Variants in PPP1R12B observed in about 807,000 individuals in gnomAD.
The protein encoded by PPP1R12B is protein phosphatase 1 regulatory subunit 12B.
A neutral mutation model predicts 126.1 loss-of-function variants in PPP1R12B; 76 were observed. The observed-to-expected ratio is 0.60, with a 90% CI of 0.50 to 0.73. The LOEUF is 0.73. Among genes scored for constraint, PPP1R12B ranks in the 30% least tolerant of loss-of-function variants. PPP1R12B has a pLI of 0.00. For synonymous variants in PPP1R12B, 356 were observed against 434.7 expected (o/e 0.82, Z 2.25); for missense variants, 1,052 against 1,205.1 (o/e 0.87, Z 1.88).
chr1:202,483,740 C>T (rs12756161), intron 13 of PPP1R12B, among the ~76,000 whole-genome samples: 68 of 152,182 alleles, frequency 4.5e-4, no homozygotes, highest in Non-Finnish European at 7.2e-4. Context: ...TATAGTATTG[C>T]AGTCTATCTC....
intron 23 of PPP1R12B, among the ~76,000 whole-genome samples, chr1:202,572,006 A>C (rs569581808): frequency 1.3e-5 from 2 of 152,340 alleles, no homozygotes; most frequent in South Asian, 4.1e-4. Flanking sequence ...ACTTGAAGAC[A>C]AAAACTTCAA....
At chr1:202,530,064 A>T (rs1021755624) in intron 18 of PPP1R12B, among the ~76,000 whole-genome samples, 1 of 152,176 alleles carries the variant, frequency 6.6e-6, no homozygotes, top group Admixed American at 6.5e-5. Flanking sequence ...CACTATATAG[A>T]GCCCTTTTGC....
chr1:202,394,631 G>C (rs1261172610), intron 1 of PPP1R12B, among the ~76,000 whole-genome samples: 3 of 152,134 alleles, frequency 2.0e-5, no homozygotes, highest in Non-Finnish European at 4.4e-5. Flanking sequence ...GCGCATGCCT[G>C]TAATCCTAGC....
intron 18 of PPP1R12B, among the ~76,000 whole-genome samples, chr1:202,555,325 G>GAAAAAAAAAA (rs56752885): frequency 0.046 from 1,165 of 25,364 alleles, 341 homozygotes; most frequent in East Asian, 0.12. Flanking sequence ...CTGTTTTAAT[G>GAAAAAAAAAA]AAAAAAAAAA....
intron 1 of PPP1R12B, among the ~76,000 whole-genome samples, chr1:202,402,385 T>G (rs1181969870): frequency 6.6e-6 from 1 of 152,226 alleles, no homozygotes; most frequent in East Asian, 1.9e-4. Context: ...TTGGTTTGTA[T>G]TTTTCATTCT....
chr1:202,581,891 A>G lies in PPP1R12B; in HGVS notation c.*1331A>G, dbSNP rs1212633585. 6.6e-6 allele frequency: 1 copy of G among 152,224 alleles called. No individual in the cohort carries two copies. Among genetic ancestry groups the G allele is most frequent in the African/African-American group, 2.4e-5 (1 of 41,462 alleles). The allele number at this position is 152,224 out of a possible 1,614,324, so 9.4% of individuals were successfully genotyped here. ...TACTTTCAACCCATTGATGAGAGTC[A>G]TGGAAGTTTAGAGTGGCAAGACCCA... On this transcript the variant is annotated 3_prime_UTR_variant, in exon 24 of 24. Transcript: ENST00000608999.
At chr1:202,578,974 T>C (rs894170649) in intron 23 of PPP1R12B, among the ~76,000 whole-genome samples, 1 of 152,232 alleles carries the variant, frequency 6.6e-6, no homozygotes, top group Admixed American at 6.5e-5. Context: ...GATTCAATAT[T>C]AGCTTTGCTG....
intron 1 of PPP1R12B, among the ~76,000 whole-genome samples, chr1:202,376,403 G>C (rs1661180351): frequency 6.6e-6 from 1 of 152,138 alleles, no homozygotes; most frequent in African/African-American, 2.4e-5. Flanking sequence ...AATGTGAGGA[G>C]TGCAACTGTT....
At chr1:202,423,009 GACTGTGTGTATGCACAGT>G (rs1669012317) in intron 3 of PPP1R12B, among the ~76,000 whole-genome samples, 1 of 152,160 alleles carries the variant, frequency 6.6e-6, no homozygotes, top group South Asian at 2.1e-4. Context: ...ACCTGATGAG[GACTGTGTGTATGCACAGT>G]ACTGTGTGTA....
Position 202,434,563 on chromosome 1 carries a change from T to C in PPP1R12B, c.1142-93T>C, listed in dbSNP as rs112587665. On this transcript the variant is annotated intron_variant, in intron 8 of 23. Transcript: ENST00000608999. Reference sequence around the variant, plus strand: ...GGGCCTTAATAATCTGTTTTGATAATGGGCAAATCTTTTCTATTAGCAGAA... The same window carrying C: ...GGGCCTTAATAATCTGTTTTGATAACGGGCAAATCTTTTCTATTAGCAGAA... 1.7e-4 allele frequency: 256 copies of C among 1,470,850 alleles called. No homozygotes were observed. In the African/African-American group the frequency reaches 2.2e-3, roughly 12 times the overall value. 91.1% of individuals were successfully genotyped at this position (1,470,850 alleles called of 1,614,324 possible).
At chr1:202,376,624 T>C (rs1661216669) in intron 1 of PPP1R12B, among the ~76,000 whole-genome samples, 1 of 152,198 alleles carries the variant, frequency 6.6e-6, no homozygotes, top group Non-Finnish European at 1.5e-5. Context: ...ATTGCATCCT[T>C]TTATAAGTTG....
intron 2 of PPP1R12B, among the ~76,000 whole-genome samples, chr1:202,417,975 CTT>C (rs1474181813): frequency 6.6e-6 from 1 of 152,228 alleles, no homozygotes; most frequent in Non-Finnish European, 1.5e-5. Flanking sequence ...GCCAGAGAAA[CTT>C]TAGGCAGCAG....
intron 23 of PPP1R12B, among the ~76,000 whole-genome samples, chr1:202,570,929 C>T (rs907150196): frequency 9.2e-5 from 14 of 152,188 alleles, no homozygotes; most frequent in Admixed American, 7.2e-4. Context: ...TGCTGTTAGG[C>T]AGCTGTCAGT....
intron 18 of PPP1R12B, among the ~76,000 whole-genome samples, chr1:202,525,822 C>G (rs932438240): frequency 6.6e-6 from 1 of 151,996 alleles, no homozygotes; most frequent in Admixed American, 6.6e-5. Flanking sequence ...CTCAGCCTCC[C>G]GAGTAGCTGT....
At chr1:202,417,124 T>G (rs1668177128) in intron 2 of PPP1R12B, 6 of 780,142 alleles carry the variant, frequency 7.7e-6, no homozygotes, top group Non-Finnish European at 9.3e-6. Flanking sequence ...GTTGAAACTC[T>G]TTTTGTTTGC....
chr1:202,500,716 A>G (rs780468244), intron 18 of PPP1R12B, among the ~76,000 whole-genome samples: 1 of 152,244 alleles, frequency 6.6e-6, no homozygotes. Flanking sequence ...AATAGCTAGA[A>G]AAGAGGATTT....
At chr1:202,461,029 G>C (rs891696688) in intron 13 of PPP1R12B, among the ~76,000 whole-genome samples, 1 of 152,008 alleles carries the variant, frequency 6.6e-6, no homozygotes, top group Non-Finnish European at 1.5e-5. Context: ...TGAATGGCTA[G>C]ACTTAGTGGG....
chr1:202,434,811 C>T lies in PPP1R12B; in HGVS notation c.1254+43C>T, dbSNP rs184758374. 1.3e-3 allele frequency: 2,129 copies of T among 1,607,922 alleles called. 9 individuals are homozygous for T. In the Middle Eastern group the frequency reaches 0.022, roughly 17 times the overall value. Reference sequence around the variant, plus strand: ...AATTTGGGAATTAGATTTCACCCTACTGCAGTAGCACACATCTAGAAAGGC... The same window carrying T: ...AATTTGGGAATTAGATTTCACCCTATTGCAGTAGCACACATCTAGAAAGGC... On this transcript the variant is annotated intron_variant, in intron 9 of 23. Coordinates refer to ENST00000608999, the MANE Select transcript of PPP1R12B (RefSeq NM_002481.4).
intron 13 of PPP1R12B, among the ~76,000 whole-genome samples, chr1:202,471,173 GT>G (rs1441534195): frequency 2.6e-4 from 39 of 152,078 alleles, no homozygotes; most frequent in African/African-American, 9.4e-4. Flanking sequence ...TCTTTCACAT[GT>G]TTTAATACTT....
Sources: allele counts gnomAD v4.1 joint callset (sites outside exome capture counted in the v4.1 genomes callset), GRCh38; gene constraint gnomAD v4.1.1; transcripts MANE v1.5; gene names NCBI Gene and HGNC (gene_info 2026-07-23, HGNC 2026-07-21).